Variants in LPP observed in about 807,000 individuals in gnomAD.
The protein encoded by LPP is lipoma-preferred partner.
Under a neutral mutation model 60.4 loss-of-function variants are expected in LPP, and 38 were observed. That is an observed-to-expected ratio of 0.63 (90% confidence interval 0.49 to 0.83). The LOEUF is 0.83. Among genes scored for constraint, LPP ranks in the 40% least tolerant of loss-of-function variants. The pLI is 0.00. For missense variants in LPP, 902 were observed against 783.6 expected (o/e 1.15, Z -1.80); for synonymous variants, 328 against 290.8 (o/e 1.13, Z -1.30).
chr3:188,413,223 C>G (rs1006971451), intron 4 of LPP, among the ~76,000 whole-genome samples: 1 of 152,074 alleles, frequency 6.6e-6, no homozygotes, highest in South Asian at 2.1e-4. Flanking sequence ...ATTTTTGCTG[C>G]GAACGTATGG....
At position 188,881,155 on chromosome 3, in the gene LPP, A is replaced by T. The variant is rs1295187155; in HGVS notation, c.*6676A>T. 2 of 166,778 alleles carry T rather than the reference A, an allele frequency of 1.2e-5. No individual in the cohort carries two copies. Among genetic ancestry groups the T allele is most frequent in the Non-Finnish European group, 1.3e-5 (1 of 76,380 alleles). The allele number at this position is 166,778 out of a possible 1,614,324, so 10.3% of individuals were successfully genotyped here. A position where few individuals can be genotyped will look rare whatever the true frequency, so the allele number is the denominator to read the frequency against. ...ACTCCGTCTCAAAAAAAAAAAAAAAAAAATAGGATCATGGCCCTTTTAAAG... is the reference window on the plus strand; with the variant it reads ...ACTCCGTCTCAAAAAAAAAAAAAAATAAATAGGATCATGGCCCTTTTAAAG... On this transcript the variant is annotated 3_prime_UTR_variant, in exon 12 of 12. Coordinates refer to ENST00000617246, the MANE Select transcript of LPP (RefSeq NM_001375462.1).
intron 2 of LPP, among the ~76,000 whole-genome samples, chr3:188,261,961 T>C (rs1012662483): frequency 1.3e-5 from 2 of 152,162 alleles, no homozygotes; most frequent in Non-Finnish European, 2.9e-5. Flanking sequence ...TATAACTGAA[T>C]ATTATCTTCA....
At chr3:188,700,266 T>A (rs1864132684) in intron 7 of LPP, among the ~76,000 whole-genome samples, 1 of 152,158 alleles carries the variant, frequency 6.6e-6, no homozygotes. Flanking sequence ...TGCAGTAAAT[T>A]TGAGTTATCT....
chr3:188,688,585 T>C (rs1861382706), intron 7 of LPP, among the ~76,000 whole-genome samples: 1 of 152,242 alleles, frequency 6.6e-6, no homozygotes, highest in South Asian at 2.1e-4. Context: ...TCAAGGACTT[T>C]CTAAGTAGTA....
intron 8 of LPP, among the ~76,000 whole-genome samples, chr3:188,751,954 C>T (rs62291303): frequency 0.06 from 9,144 of 152,088 alleles, 283 homozygotes; most frequent in Non-Finnish European, 0.07. Flanking sequence ...AAATCTTAAC[C>T]AACTGCCTCA....
intron 8 of LPP, chr3:188,709,360 A>G (rs1429550487): frequency 2.0e-5 from 3 of 151,888 alleles, no homozygotes; most frequent in African/African-American, 4.8e-5. Flanking sequence ...ATTTTATTTT[A>G]TTTTATTTAT....
chr3:188,356,003 G>A (rs761976514), intron 3 of LPP, among the ~76,000 whole-genome samples: 5 of 152,126 alleles, frequency 3.3e-5, no homozygotes, highest in African/African-American at 4.8e-5. Flanking sequence ...TGTGCCTGAC[G>A]CATTTATGGA....
At chr3:188,662,413 A>G (rs933355963) in intron 7 of LPP, among the ~76,000 whole-genome samples, 1 of 152,196 alleles carries the variant, frequency 6.6e-6, no homozygotes, top group African/African-American at 2.4e-5. Flanking sequence ...CTTCCATTGC[A>G]TGCCTTTGGA....
At chr3:188,812,659 G>T (rs1027927187) in intron 9 of LPP, among the ~76,000 whole-genome samples, 1 of 152,044 alleles carries the variant, frequency 6.6e-6, no homozygotes, top group Non-Finnish European at 1.5e-5. Context: ...CTTTGTAGAT[G>T]TAATTATTAA....
chr3:188,707,947 G>T (rs146572516), intron 7 of LPP, among the ~76,000 whole-genome samples: 1 of 152,302 alleles, frequency 6.6e-6, no homozygotes, highest in East Asian at 1.9e-4. Context: ...AAGAAAGAAA[G>T]ACTCAATTTA....
intron 4 of LPP, among the ~76,000 whole-genome samples, chr3:188,455,972 A>G (rs922376462): frequency 2.6e-5 from 4 of 152,166 alleles, no homozygotes; most frequent in Non-Finnish European, 5.9e-5. Context: ...AGCTTACTGC[A>G]CGCTCAAACT....
intron 7 of LPP, among the ~76,000 whole-genome samples, chr3:188,613,261 C>CCTATATCTATACCTATAT (rs1844103353): frequency 3.4e-5 from 4 of 117,336 alleles, no homozygotes; most frequent in African/African-American, 1.2e-4. Flanking sequence ...TATATCTATA[C>CCTATATCTATACCTATAT]CTATATCTAT....
intron 9 of LPP, among the ~76,000 whole-genome samples, chr3:188,804,318 A>AATGGG (rs1748419221): frequency 7.1e-6 from 1 of 140,134 alleles, no homozygotes; most frequent in African/African-American, 2.6e-5. Flanking sequence ...AAAAGAATGG[A>AATGGG]ATCATGTCTT....
At chr3:188,258,726 G>GA (rs1281428032) in intron 2 of LPP, among the ~76,000 whole-genome samples, 2 of 152,340 alleles carry the variant, frequency 1.3e-5, no homozygotes, top group African/African-American at 4.8e-5. Context: ...TTCGTCTAGA[G>GA]AAGACGATCA....
intron 6 of LPP, among the ~76,000 whole-genome samples, chr3:188,564,590 T>C (rs1831643056): frequency 6.6e-6 from 1 of 151,948 alleles, no homozygotes; most frequent in African/African-American, 2.4e-5. Flanking sequence ...TTTAGTTAGG[T>C]CCTTTCAGGT....
At chr3:188,399,330 G>A (rs1781694115) in intron 3 of LPP, among the ~76,000 whole-genome samples, 1 of 151,526 alleles carries the variant, frequency 6.6e-6, no homozygotes, top group Non-Finnish European at 1.5e-5. Context: ...GAAATTCCAG[G>A]AAGGTACTGA....
chr3:188,169,374 C>T (rs1720908279), intron 1 of LPP, among the ~76,000 whole-genome samples: 1 of 152,180 alleles, frequency 6.6e-6, no homozygotes, highest in African/African-American at 2.4e-5. Context: ...TGTTTGGATA[C>T]ACCTTGATTC....
At chr3:188,204,567 T>G (rs959634900) in intron 1 of LPP, among the ~76,000 whole-genome samples, 1 of 152,232 alleles carries the variant, frequency 6.6e-6, no homozygotes, top group South Asian at 2.1e-4. Context: ...TAGAGCTATA[T>G]GAAATATTTT....
chr3:188,381,269 T>C (rs1776808137), intron 3 of LPP, among the ~76,000 whole-genome samples: 1 of 152,216 alleles, frequency 6.6e-6, no homozygotes. Flanking sequence ...GACCTTTACT[T>C]CTGCTATTGA....
Sources: allele counts gnomAD v4.1 joint callset (sites outside exome capture counted in the v4.1 genomes callset), GRCh38; gene constraint gnomAD v4.1.1; transcripts MANE v1.5; gene names NCBI Gene and HGNC (gene_info 2026-07-23, HGNC 2026-07-21).